The following RBFOX3 variants were observed in gnomAD, a reference collection of about 807,000 sequenced individuals.
The protein encoded by RBFOX3 is RNA binding fox-1 homolog 3.
A neutral mutation model predicts 48.7 loss-of-function variants in RBFOX3; 17 were observed. The ratio of observed to expected loss-of-function variants is 0.35; its 90% confidence interval spans 0.24 to 0.52. The LOEUF is 0.52. Ranked by LOEUF, RBFOX3 falls within the 20% of genes least tolerant of loss-of-function variation. The pLI is 0.94. For synonymous variants in RBFOX3, 212 were observed against 209.5 expected (o/e 1.01, Z -0.10); for missense variants, 382 against 497.5 (o/e 0.77, Z 2.21).
At chr17:79,191,164 T>G (rs76425886) in intron 4 of RBFOX3, among the ~76,000 whole-genome samples, 1 of 152,180 alleles carries the variant, frequency 6.6e-6, no homozygotes, top group Admixed American at 6.5e-5. Flanking sequence ...TTGCCATCAA[T>G]TTTTAGAAAA....
chr17:79,453,345 G>A (rs547762523), intron 2 of RBFOX3, among the ~76,000 whole-genome samples: 39 of 152,330 alleles, frequency 2.6e-4, no homozygotes, highest in African/African-American at 9.4e-4. Context: ...CAGCAGAGAT[G>A]GCCATAGAAG....
chr17:79,281,180 GA>G lies in RBFOX3; in HGVS notation c.-74+26543del, dbSNP rs1461528635. Among the ~76,000 whole-genome samples the G allele has an allele frequency of 2.6e-5, 4 of 152,288 alleles. No individual in the cohort carries two copies. The East Asian group carries it at 7.7e-4, about 29-fold the overall frequency. ...CTGAGCTGCTTTATTTGTAAAATGG[GA>G]ACAGCCTTGTGGAGTTGAGGGAAGG... On this transcript the variant is annotated intron_variant, in intron 3 of 14. Coordinates refer to ENST00000693108, the MANE Select transcript of RBFOX3 (RefSeq NM_001350451.2).
At chr17:79,461,517 A>G (rs2075364781) in intron 2 of RBFOX3, among the ~76,000 whole-genome samples, 1 of 152,202 alleles carries the variant, frequency 6.6e-6, no homozygotes, top group African/African-American at 2.4e-5. Context: ...TATAGACTAC[A>G]TCTTATCCTT....
intron 2 of RBFOX3, among the ~76,000 whole-genome samples, chr17:79,342,954 G>A (rs960713238): frequency 4.0e-5 from 6 of 150,826 alleles, no homozygotes; most frequent in Admixed American, 3.3e-4. Flanking sequence ...ACAGTGGGGG[G>A]AGAGAGAAAG....
At chr17:79,131,802 G>C (rs2707048) in intron 4 of RBFOX3, among the ~76,000 whole-genome samples, 87,146 of 151,956 alleles carry the variant, frequency 0.57, 25,937 homozygotes, top group Non-Finnish European at 0.62. Context: ...GCTGAGAGAT[G>C]GCCCCGAATC....
chr17:79,662,085 T>G, the RBFOX3 span, among the ~76,000 whole-genome samples: 2 of 6,374 alleles, frequency 3.1e-4, no homozygotes, highest in Admixed American at 5.3e-3. Context: ...AGAAGACAGA[T>G]TTTTTTTTGA....
chr17:79,356,373 T>TTTTTTTTTTTG (rs1568101205), intron 2 of RBFOX3, among the ~76,000 whole-genome samples: 3 of 89,032 alleles, frequency 3.4e-5, no homozygotes, highest in Non-Finnish European at 6.7e-5. Context: ...TTTTTTTTTT[T>TTTTTTTTTTTG]TTTTTTTTTT....
intron 4 of RBFOX3, among the ~76,000 whole-genome samples, chr17:79,194,729 A>C (rs2055198305): frequency 7.0e-6 from 1 of 142,502 alleles, no homozygotes; most frequent in African/African-American, 2.7e-5. Flanking sequence ...GCCGGTTCTA[A>C]TTGAGACACT....
At chr17:79,104,017 A>C in intron 7 of RBFOX3, 56 bp downstream of exon 7, 1 of 1,444,546 alleles carries the variant, frequency 6.9e-7, no homozygotes, top group Non-Finnish European at 9.5e-7. Flanking sequence ...TTCACACGTT[A>C]GCCTGGCGGG....
At chr17:79,184,305 A>G (rs34052734) in intron 4 of RBFOX3, among the ~76,000 whole-genome samples, 3,687 of 152,236 alleles carry the variant, frequency 0.024, 78 homozygotes, top group Non-Finnish European at 0.035. Context: ...GGTGGGGGAC[A>G]CGGGCACCGG....
At chr17:79,302,092 G>A (rs1291166877) in intron 3 of RBFOX3, among the ~76,000 whole-genome samples, 4 of 152,308 alleles carry the variant, frequency 2.6e-5, no homozygotes, top group Middle Eastern at 3.4e-3. Context: ...ACTAAAGATG[G>A]TCAAGATGTT....
At chr17:79,631,606 TGAC>T in the RBFOX3 span, among the ~76,000 whole-genome samples, 4 of 152,166 alleles carry the variant, frequency 2.6e-5, no homozygotes, top group Non-Finnish European at 5.9e-5. Flanking sequence ...CTCATGGTAT[TGAC>T]CTTTGATTAT....
intron 1 of RBFOX3, among the ~76,000 whole-genome samples, chr17:79,530,209 G>A (rs955473537): frequency 4.1e-4 from 63 of 152,298 alleles, no homozygotes; most frequent in Non-Finnish European, 5.3e-4. Flanking sequence ...GTGCACCACG[G>A]AGAGAGTGGA....
At position 79,346,626 on chromosome 17, in the gene RBFOX3, A is replaced by G. The variant is rs184086663; in HGVS notation, c.-174-38802T>C. ...TATATCGTCATTTGATGAGGCTCCAATTGGGAATTAATCAGAATTGCATTG... is the reference window on the plus strand; with the variant it reads ...TATATCGTCATTTGATGAGGCTCCAGTTGGGAATTAATCAGAATTGCATTG... On this transcript the variant is annotated intron_variant, in intron 2 of 14. Transcript: ENST00000693108. Among the ~76,000 whole-genome samples, 6 of 152,298 alleles carry G rather than the reference A, an allele frequency of 3.9e-5. No homozygotes were observed. The East Asian group carries it at 9.6e-4, about 24-fold the overall frequency.
chr17:79,326,666 C>T lies in RBFOX3; in HGVS notation c.-174-18842G>A, dbSNP rs574488967. ...CCTGGGCACTCCCTGCCAGAGGTGG[C>T]GAGCTCCCTGCTCCCCAGCTCCTCT... is the stretch of plus-strand genomic sequence containing the variant. On this transcript the variant is annotated intron_variant, in intron 2 of 14. Coordinates refer to ENST00000693108, the MANE Select transcript of RBFOX3 (RefSeq NM_001350451.2). 7.9e-5 allele frequency among the ~76,000 whole-genome samples: 12 copies of T among 152,284 alleles called. No individual in the cohort carries two copies. The South Asian group carries it at 1.9e-3, about 24-fold the overall frequency.
At chr17:79,487,587 A>T (rs2079820976) in intron 1 of RBFOX3, among the ~76,000 whole-genome samples, 1 of 152,086 alleles carries the variant, frequency 6.6e-6, no homozygotes, top group Non-Finnish European at 1.5e-5. Context: ...AGTTTTGGTG[A>T]AATGAATGCT....
intron 3 of RBFOX3, among the ~76,000 whole-genome samples, chr17:79,273,079 C>T (rs1043379570): frequency 2.6e-5 from 4 of 152,142 alleles, no homozygotes; most frequent in Non-Finnish European, 5.9e-5. Context: ...TGGCTTGGAG[C>T]CAAAGAACAG....
chr17:79,365,828 G>C (rs532257844), intron 2 of RBFOX3, among the ~76,000 whole-genome samples: 1 of 152,382 alleles, frequency 6.6e-6, no homozygotes, highest in African/African-American at 2.4e-5. Flanking sequence ...AGGGGCTATA[G>C]TGTCTGCTGC....
chr17:79,402,465 AGTTT>A (rs2062930492), intron 2 of RBFOX3, among the ~76,000 whole-genome samples: 1 of 152,068 alleles, frequency 6.6e-6, no homozygotes, highest in Non-Finnish European at 1.5e-5. Flanking sequence ...TGGAGCGGGG[AGTTT>A]GTTTGCTTGT....
Sources: allele counts gnomAD v4.1 joint callset (sites outside exome capture counted in the v4.1 genomes callset), GRCh38; gene constraint gnomAD v4.1.1; transcripts MANE v1.5; gene names NCBI Gene and HGNC (gene_info 2026-07-23, HGNC 2026-07-21).